ARHGEF10: variants seen among roughly 807,000 people sequenced by gnomAD.
ARHGEF10 encodes the protein Rho guanine nucleotide exchange factor (GEF) 10.
A neutral mutation model predicts 147.4 loss-of-function variants in ARHGEF10; 140 were observed. The observed-to-expected ratio is 0.95, with a 90% CI of 0.83 to 1.09. The LOEUF (loss-of-function observed/expected upper bound fraction) is 1.09, where lower values mean the gene tolerates loss of function less well. ARHGEF10 is among the 50% of genes least tolerant of loss of function. The pLI is 0.00. For missense variants in ARHGEF10, 2,222 were observed against 1,752.7 expected, an observed-to-expected ratio of 1.27 and a Z score of -4.78; for synonymous variants, 902 against 695.8, an observed-to-expected ratio of 1.30 and a Z score of -4.67.
chr8:1,922,916 A>AT, intron 18 of ARHGEF10, 48 bp from the exon 19 acceptor site: 1 of 1,368,982 alleles, frequency 7.3e-7, no homozygotes, highest in Non-Finnish European at 1.0e-6. Flanking sequence ...TGGAGTAAAT[A>AT]TGGCTTTACC....
At chr8:1,918,967 CGGAGCTGTTCTGTGGGTGAT>C (rs1390315059) in intron 18 of ARHGEF10, among the ~76,000 whole-genome samples, 45 of 120,334 alleles carry the variant, frequency 3.7e-4, no homozygotes, top group Admixed American at 2.3e-3. Flanking sequence ...CTGTGGGTGA[CGGAGCTGTTCTGTGGGTGAT>C]GGAGCTGTTC....
At chr8:1,946,847 A>G (rs933559183) in intron 27 of ARHGEF10, among the ~76,000 whole-genome samples, 19 of 151,702 alleles carry the variant, frequency 1.3e-4, no homozygotes, top group Admixed American at 1.3e-4. Context: ...TCCCCGCCGC[A>G]CTCCCACTGG....
chr8:1,831,774 T>C (rs1803125681), intron 1 of ARHGEF10, among the ~76,000 whole-genome samples: 1 of 152,204 alleles, frequency 6.6e-6, no homozygotes, highest in Non-Finnish European at 1.5e-5. Context: ...CTGCACAGGG[T>C]GCTCCTGATG....
intron 3 of ARHGEF10, 124 bp downstream of exon 3, chr8:1,858,239 G>C: frequency 1.6e-6 from 1 of 606,216 alleles, no homozygotes; most frequent in East Asian, 4.2e-5. Flanking sequence ...TCCCCAGGTG[G>C]GTCCCCAGGT....
intron 11 of ARHGEF10, among the ~76,000 whole-genome samples, chr8:1,887,234 A>G (rs1181078447): frequency 6.6e-6 from 1 of 152,244 alleles, no homozygotes; most frequent in South Asian, 2.1e-4. Context: ...AGGGAAAAGC[A>G]CAGGGGAAAT....
chr8:1,869,567 A>G (rs1397226748), intron 7 of ARHGEF10: 2 of 471,582 alleles, frequency 4.2e-6, no homozygotes, highest in East Asian at 4.1e-5. Flanking sequence ...AATAAATGAC[A>G]TCAGTGAGAA....
At chr8:1,856,440 A>G (rs1805559826) in intron 2 of ARHGEF10, among the ~76,000 whole-genome samples, 1 of 152,294 alleles carries the variant, frequency 6.6e-6, no homozygotes, top group East Asian at 1.9e-4. Flanking sequence ...TGACCTAAAA[A>G]TCTGTTTCCT....
intron 1 of ARHGEF10, chr8:1,825,977 GA>G: frequency 1.4e-6 from 1 of 711,374 alleles, no homozygotes; most frequent in Non-Finnish European, 2.4e-6. Context: ...TTCGAAAAGA[GA>G]GATGATTACT....
In ARHGEF10 at chr8:1,956,739, C is replaced by G; in HGVS notation, c.3521-10C>G. ...TTAAAAGACAGCTGTTGAACTGTTT[C>G]CCTTTTCAGGAAGAGGCATGGTCTC... On this transcript the variant is annotated splice_polypyrimidine_tract_variant and intron_variant, in intron 28 of 28. Coordinates refer to ENST00000349830, the MANE Select transcript of ARHGEF10 (RefSeq NM_014629.4). The G allele has an allele frequency of 6.2e-7, 1 of 1,613,732 alleles. No homozygotes were observed. Among genetic ancestry groups the G allele is most frequent in the Admixed American group, 1.7e-5 (1 of 60,018 alleles).
chr8:1,948,890 G>A lies in ARHGEF10; in HGVS notation c.3397+3235G>A, dbSNP rs888346839. ...AGGTCGCCGGGCCGTCACTGCTCCT[G>A]GGTTCTTCTCCTCCTTATCGTCCAA... On this transcript the variant is annotated intron_variant, in intron 27 of 28. Transcript: ENST00000349830. The surrounding 1 kb of genome is among the most constrained non-coding windows in gnomAD (Gnocchi z 4.9). 2.0e-5 allele frequency among the ~76,000 whole-genome samples: 3 copies of A among 152,116 alleles called. No homozygotes were observed. The highest frequency in any genetic ancestry group is 7.2e-5 in the African/African-American group (3 of 41,424).
rs1184548973 is a variant in ARHGEF10 at position 1,832,875 on chromosome 8, CAGAG to C, written c.-48+8766_-48+8769del. ...AGAGAGACAGAGGCAGAGGCAGAGA[CAGAG>C]AGACAGAGGCAGACGCAGAGACAGA... On this transcript the variant is annotated intron_variant, in intron 1 of 28. Transcript: ENST00000349830. Among the ~76,000 whole-genome samples the C allele has an allele frequency of 1.9e-4, 14 of 72,112 alleles. 2 individuals are homozygous for C. The highest frequency in any genetic ancestry group is 3.7e-4 in the African/African-American group (6 of 16,246). 47.3% of individuals were successfully genotyped at this position (72,112 alleles called of 152,430 possible). A position where few individuals can be genotyped will look rare whatever the true frequency, so the allele number is the denominator to read the frequency against.
At chr8:1,853,768 A>G (rs1805331923) in intron 2 of ARHGEF10, among the ~76,000 whole-genome samples, 1 of 152,222 alleles carries the variant, frequency 6.6e-6, no homozygotes, top group Non-Finnish European at 1.5e-5. Context: ...CCGGGAATGT[A>G]GGTCACAGCC....
intron 26 of ARHGEF10, among the ~76,000 whole-genome samples, chr8:1,939,458 G>A (rs1813899640): frequency 6.6e-6 from 1 of 152,212 alleles, no homozygotes; most frequent in African/African-American, 2.4e-5. Context: ...TGGGAGTTTT[G>A]GGGGCAACAC....
intron 1 of ARHGEF10, among the ~76,000 whole-genome samples, chr8:1,824,948 C>T (rs1164483370): frequency 2.5e-5 from 1 of 40,436 alleles, no homozygotes; most frequent in Non-Finnish European, 4.6e-5. Flanking sequence ...TGCACTCCAC[C>T]AGTTCCCCGC....
chr8:1,859,798 G>T lies in ARHGEF10; in HGVS notation c.194-99G>T, dbSNP rs1805941176. The T allele has an allele frequency of 1.3e-5, 19 of 1,427,126 alleles. No homozygotes were observed. The South Asian group carries it at 2.2e-4, about 17-fold the overall frequency. The allele number at this position is 1,427,126 out of a possible 1,614,324, so 88.4% of individuals were successfully genotyped here. ...TCTAGGGGTCCTGGCATGGGATGATGGTGGGAGCTCATACCTGCTTCCCAC... is the reference window on the plus strand; with the variant it reads ...TCTAGGGGTCCTGGCATGGGATGATTGTGGGAGCTCATACCTGCTTCCCAC... On this transcript the variant is annotated intron_variant, in intron 3 of 28. Transcript: ENST00000349830.
intron 14 of ARHGEF10, among the ~76,000 whole-genome samples, chr8:1,897,429 G>C (rs3758006): frequency 4.8e-3 from 523 of 109,714 alleles, no homozygotes; most frequent in South Asian, 0.012. Flanking sequence ...TGTCCTAAGG[G>C]ATCGGATCGC....
At chr8:1,956,174 G>A (rs1226225320) in intron 28 of ARHGEF10, among the ~76,000 whole-genome samples, 1 of 152,222 alleles carries the variant, frequency 6.6e-6, no homozygotes, top group African/African-American at 2.4e-5. Flanking sequence ...GTGGCTTTAA[G>A]AAGACCTGCA....
At position 1,896,412 on chromosome 8, in the gene ARHGEF10, C is replaced by G; in HGVS notation, c.1520C>G (p.Thr507Arg). 1 of 1,613,866 alleles carries G rather than the reference C, an allele frequency of 6.2e-7. No homozygotes were observed. The highest frequency in any genetic ancestry group is 8.5e-7 in the Non-Finnish European group (1 of 1,179,958). ...ACAGCCGTGGCAGTCCTCAAGAAAA[C>G]ATGTGCCACAAAGCCCGCTTTTCTT... ...FSTAVAVLKK[T>R]CATKPAFLEF... Residue 507 changes from threonine to arginine, a missense_variant, in exon 14 of 29, where the codon ACA becomes AGA. Thr to Arg is a moderately conservative substitution (Grantham distance 71). Transcript: ENST00000349830.
At chr8:1,916,715 T>A (rs1464150498) in intron 18 of ARHGEF10, among the ~76,000 whole-genome samples, 2 of 152,226 alleles carry the variant, frequency 1.3e-5, no homozygotes, top group African/African-American at 4.8e-5. Context: ...GAAATTCAAT[T>A]TGTGCCTCTT....
Sources: gnomAD v4.1 joint callset for allele counts (sites outside exome capture counted in the v4.1 genomes callset) on GRCh38, gnomAD v4.1.1 for gene constraint, Gnocchi (gnomAD v3.1) non-coding constraint, MANE v1.5 for transcripts, NCBI Gene and HGNC (gene_info 2026-07-23, HGNC 2026-07-21) for gene names.